RAD54L2: variants seen among roughly 807,000 people sequenced by gnomAD.
RAD54L2 encodes RAD54 like 2.
A neutral mutation model predicts 138.4 loss-of-function variants in RAD54L2; 27 were observed. The ratio of observed to expected loss-of-function variants is 0.20; its 90% confidence interval spans 0.14 to 0.27. RAD54L2 has a LOEUF of 0.27. Among genes scored for constraint, RAD54L2 ranks in the 10% least tolerant of loss-of-function variants. RAD54L2 has a pLI of 1.00. For synonymous variants in RAD54L2, 644 were observed against 723.2 expected (o/e 0.89, Z 1.76); for missense variants, 1,396 against 1,890.2 (o/e 0.74, Z 4.85).
At chr3:51,598,301 C>G (rs1700015282) in intron 3 of RAD54L2, among the ~76,000 whole-genome samples, 1 of 151,982 alleles carries the variant, frequency 6.6e-6, no homozygotes, top group South Asian at 2.1e-4. Flanking sequence ...CTCTGACCTA[C>G]TCCTGCCATC....
intron 2 of RAD54L2, among the ~76,000 whole-genome samples, chr3:51,549,343 G>A (rs1296427356): frequency 1.3e-5 from 2 of 152,148 alleles, no homozygotes; most frequent in Non-Finnish European, 2.9e-5. Context: ...AACCTAGAGA[G>A]CTCTACTCTC....
chr3:51,570,220 T>A (rs1389547617), intron 2 of RAD54L2, among the ~76,000 whole-genome samples: 1 of 145,766 alleles, frequency 6.9e-6, no homozygotes, highest in East Asian at 2.1e-4. Context: ...CTCAGCTCAC[T>A]GCAGCGTCTG....
intron 7 of RAD54L2, 90 bp downstream of exon 7, chr3:51,631,021 T>C: frequency 7.7e-7 from 1 of 1,290,440 alleles, no homozygotes; most frequent in East Asian, 2.4e-5. Flanking sequence ...TCACAGCCTG[T>C]GAAGTACTTG....
rs1328214966 is a variant in RAD54L2, at chr3:51,663,781, C to T, written c.*361C>T. 2 of 190,776 alleles carry T rather than the reference C, an allele frequency of 1.0e-5. No homozygotes were observed. Among genetic ancestry groups the T allele is most frequent in the African/African-American group, 4.7e-5 (2 of 42,312 alleles). 11.8% of individuals were successfully genotyped at this position (190,776 alleles called of 1,614,324 possible). On this transcript the variant is annotated 3_prime_UTR_variant, in exon 23 of 23. Coordinates refer to ENST00000684192, the MANE Select transcript of RAD54L2 (RefSeq NM_015106.4). ...ATTTCTGTCTTTGGGAACATTCTTT[C>T]CCAAGAGAGCTGCCTTACTAGGTGA...
Position 51,624,714 on chromosome 3 carries a change from C to A in RAD54L2, c.140-2839C>A, listed in dbSNP as rs144016227. On this transcript the variant is annotated intron_variant, in intron 3 of 22. Coordinates refer to ENST00000684192, the MANE Select transcript of RAD54L2 (RefSeq NM_015106.4). ...CACTCCATCAGTCTGGCTCCAGTGT[C>A]CTTACTGAACCCCTATGCCATGTTA... Among the ~76,000 whole-genome samples, 404 of 152,314 alleles carry A rather than the reference C, an allele frequency of 2.7e-3. 3 individuals are homozygous for A. Among genetic ancestry groups the A allele is most frequent in the African/African-American group, 9.0e-3 (375 of 41,552 alleles).
rs868041339 is a variant in RAD54L2, at chr3:51,668,252, A to G, written c.*4832A>G. On this transcript the variant is annotated 3_prime_UTR_variant, in exon 23 of 23. Coordinates refer to ENST00000684192, the MANE Select transcript of RAD54L2 (RefSeq NM_015106.4). ...TACCATCTTCAGAGAGGTCAGGGGA[A>G]GAGGGTCCAGGTGGGTTAAGGGGGG... 3.9e-5 allele frequency: 6 copies of G among 152,380 alleles called. No individual in the cohort carries two copies. The South Asian group carries it at 1.2e-3, about 32-fold the overall frequency. The allele number at this position is 152,380 out of a possible 1,614,324, so 9.4% of individuals were successfully genotyped here.
chr3:51,643,437 C>A (rs1232242766), intron 15 of RAD54L2, among the ~76,000 whole-genome samples: 2 of 152,190 alleles, frequency 1.3e-5, no homozygotes, highest in African/African-American at 4.8e-5. Flanking sequence ...ACAGCAAGTT[C>A]TTAGCTTCAG....
intron 3 of RAD54L2, among the ~76,000 whole-genome samples, chr3:51,623,027 TC>T (rs1230438542): frequency 2.0e-5 from 3 of 152,250 alleles, no homozygotes; most frequent in Non-Finnish European, 4.4e-5. Context: ...CATATGTGTT[TC>T]CCCATGTGGT....
At chr3:51,612,864 A>G (rs1700360484) in intron 3 of RAD54L2, among the ~76,000 whole-genome samples, 1 of 152,172 alleles carries the variant, frequency 6.6e-6, no homozygotes, top group Non-Finnish European at 1.5e-5. Flanking sequence ...TTGGATTTTA[A>G]AAGTTTGGAC....
intron 3 of RAD54L2, among the ~76,000 whole-genome samples, chr3:51,622,204 T>C (rs1434785562): frequency 6.6e-6 from 1 of 152,208 alleles, no homozygotes; most frequent in African/African-American, 2.4e-5. Context: ...GGAGCTCTAC[T>C]TTGAAACTTC....
chr3:51,646,570 A>C (rs1701286330), intron 19 of RAD54L2, 89 bp downstream of exon 19: 1 of 1,307,804 alleles, frequency 7.6e-7, no homozygotes, highest in East Asian at 2.5e-5. Context: ...CAGAGCCTAC[A>C]ACTTGTTCCT....
In RAD54L2 at chr3:51,637,619, C is replaced by A; in HGVS notation, c.1682+116C>A. ...GAGTAGGAGGGCCCCTTCCCTGGGG[C>A]AGTAGTAAAACTTTGCTTCCTGTGA... On this transcript the variant is annotated intron_variant, in intron 11 of 22. Coordinates refer to ENST00000684192, the MANE Select transcript of RAD54L2 (RefSeq NM_015106.4). The surrounding 1 kb of genome is among the most constrained non-coding windows in gnomAD (Gnocchi z 5.9). The A allele has an allele frequency of 1.9e-6, 2 of 1,037,170 alleles. No homozygotes were observed. The highest frequency in any genetic ancestry group is 2.7e-6 in the Non-Finnish European group (2 of 732,886). 64.2% of individuals were successfully genotyped at this position (1,037,170 alleles called of 1,614,324 possible).
At chr3:51,583,174 C>T (rs1324460533) in intron 2 of RAD54L2, among the ~76,000 whole-genome samples, 5 of 152,106 alleles carry the variant, frequency 3.3e-5, no homozygotes, top group Admixed American at 6.6e-5. Flanking sequence ...AATTGTTTTA[C>T]GCATTTGAAA....
chr3:51,569,299 A>T (rs1017074124), intron 2 of RAD54L2, among the ~76,000 whole-genome samples: 1 of 152,198 alleles, frequency 6.6e-6, no homozygotes, highest in Non-Finnish European at 1.5e-5. Context: ...ATAATTTAAA[A>T]TTCTAACAGC....
In RAD54L2 at chr3:51,559,920, G is replaced by T. The variant is rs756834491; in HGVS notation, c.-55+18270G>T. ...AAGGCTATGTAGTATTTTTGTAAGA[G>T]ATACTGTTTTGTATGTTTCACATCT... is the stretch of plus-strand genomic sequence containing the variant. On this transcript the variant is annotated intron_variant, in intron 2 of 22. Transcript: ENST00000684192. Among the ~76,000 whole-genome samples the T allele has an allele frequency of 3.9e-5, 6 of 152,184 alleles. No homozygotes were observed. In the East Asian group the frequency reaches 5.8e-4, roughly 15 times the overall value.
At chr3:51,619,110 T>A (rs184298781) in intron 3 of RAD54L2, among the ~76,000 whole-genome samples, 16 of 152,270 alleles carry the variant, frequency 1.1e-4, no homozygotes, top group African/African-American at 3.6e-4. Context: ...CAGGCTGGAG[T>A]GCAGTGGCGT....
intron 2 of RAD54L2, among the ~76,000 whole-genome samples, chr3:51,566,403 C>T (rs576320321): frequency 1.4e-5 from 2 of 139,026 alleles, no homozygotes; most frequent in Non-Finnish European, 3.0e-5. Context: ...TTCAAGTTTG[C>T]TAAGAGTTTG....
Position 51,639,926 on chromosome 3 carries a change from T to C in RAD54L2, c.2158T>C (p.Ser720Pro). 6.2e-7 allele frequency: 1 copy of C among 1,612,414 alleles called. No individual in the cohort carries two copies. Among genetic ancestry groups the C allele is most frequent in the Non-Finnish European group, 8.5e-7 (1 of 1,179,026 alleles). The part of the protein sequence containing the change: ...TNYQTGVLEN[S>P]PKMVLLFHLI... ...TTACCAGACTGGAGTCCTAGAAAAC[T>C]CTCCCAAGATGGTACTGCTTTTCCA... The change falls in exon 14 of 23, where the codon TCT (serine) becomes CCT (proline). Residue 720 changes from serine to proline, a missense_variant. Physicochemically the swap from Ser to Pro is moderately conservative, Grantham distance 74. Transcript: ENST00000684192.
In RAD54L2 at chr3:51,652,452, A is replaced by G. The variant is rs537049554; in HGVS notation, c.3027-3519A>G. 5.3e-5 allele frequency among the ~76,000 whole-genome samples: 8 copies of G among 152,332 alleles called. No individual in the cohort carries two copies. The East Asian group carries it at 1.5e-3, about 29-fold the overall frequency. ...AACTAAAGTTCATATGGAACCAAAA[A>G]AGAGCCTGCATTGCCAAGACAATCC... On this transcript the variant is annotated intron_variant, in intron 19 of 22. Coordinates refer to ENST00000684192, the MANE Select transcript of RAD54L2 (RefSeq NM_015106.4).
Sources: allele counts gnomAD v4.1 joint callset (sites outside exome capture counted in the v4.1 genomes callset), GRCh38; gene constraint gnomAD v4.1.1; non-coding constraint Gnocchi (gnomAD v3.1); transcripts MANE v1.5; gene names NCBI Gene and HGNC (gene_info 2026-07-23, HGNC 2026-07-21).